Variants in SIL1 observed in about 807,000 individuals in gnomAD.
SIL1 encodes SIL1 nucleotide exchange factor, also known as nucleotide exchange factor SIL1.
SIL1 carries 40 observed loss-of-function variants against 49.1 expected under a neutral mutation model. That is an observed-to-expected ratio of 0.81 (90% confidence interval 0.63 to 1.06). SIL1 has a LOEUF of 1.06. Among genes scored for constraint, SIL1 ranks in the 50% least tolerant of loss-of-function variants. SIL1 has a pLI of 0.00. For synonymous variants in SIL1, 253 were observed against 250.8 expected, an observed-to-expected ratio of 1.01 and a Z score of -0.08; for missense variants, 500 against 572.6, an observed-to-expected ratio of 0.87 and a Z score of 1.29.
chr5:139,122,681 G>C (rs148627696), intron 2 of SIL1, among the ~76,000 whole-genome samples: 1 of 152,168 alleles, frequency 6.6e-6, no homozygotes, highest in Non-Finnish European at 1.5e-5. Flanking sequence ...TCGAGGAAAA[G>C]TTAAAATGTT....
chr5:139,119,082 G>C (rs1198161589), intron 3 of SIL1, among the ~76,000 whole-genome samples: 1 of 152,220 alleles, frequency 6.6e-6, no homozygotes, highest in Non-Finnish European at 1.5e-5. Context: ...ATTTTGTGCA[G>C]AAGAGTTTAC....
chr5:138,965,936 T>C (rs898130129), intron 7 of SIL1, among the ~76,000 whole-genome samples: 7 of 152,010 alleles, frequency 4.6e-5, no homozygotes, highest in African/African-American at 1.7e-4. Flanking sequence ...GTTCTGTTTA[T>C]GCCTCTTGTC....
chr5:139,071,509 TA>T (rs1769833862), intron 3 of SIL1, among the ~76,000 whole-genome samples: 1 of 152,190 alleles, frequency 6.6e-6, no homozygotes, highest in Non-Finnish European at 1.5e-5. Context: ...TATAATTTTC[TA>T]TATCTGTGTT....
chr5:139,049,802 A>AT (rs1401704730), intron 4 of SIL1, among the ~76,000 whole-genome samples: 1 of 152,062 alleles, frequency 6.6e-6, no homozygotes, highest in Non-Finnish European at 1.5e-5. Flanking sequence ...CTAAAAAAAA[A>AT]AAAAAAAAAA....
intron 1 of SIL1, among the ~76,000 whole-genome samples, chr5:139,150,662 A>G (rs1751278314): frequency 6.6e-6 from 1 of 152,116 alleles, no homozygotes; most frequent in South Asian, 2.1e-4. Flanking sequence ...AGTCTCCTGA[A>G]CCCCTCCTAA....
At chr5:139,155,724 T>G (rs576289607) in intron 1 of SIL1, among the ~76,000 whole-genome samples, 1 of 150,894 alleles carries the variant, frequency 6.6e-6, no homozygotes, top group East Asian at 1.9e-4. Context: ...AACAGAAGAC[T>G]GGGTAAGAGG....
At chr5:139,168,030 T>A (rs1349679398) in intron 1 of SIL1, among the ~76,000 whole-genome samples, 1 of 152,198 alleles carries the variant, frequency 6.6e-6, no homozygotes, top group Non-Finnish European at 1.5e-5. Context: ...CTTTTCTATG[T>A]TTAGAAATGT....
At chr5:139,108,438 C>T (rs1190037891) in intron 3 of SIL1, among the ~76,000 whole-genome samples, 3 of 152,160 alleles carry the variant, frequency 2.0e-5, no homozygotes, top group African/African-American at 7.2e-5. Flanking sequence ...TGATGGGCAA[C>T]ACAAACGGAC....
chr5:139,082,783 A>G (rs1770113991), intron 3 of SIL1, among the ~76,000 whole-genome samples: 1 of 152,236 alleles, frequency 6.6e-6, no homozygotes. Context: ...GATCAGTAGG[A>G]ACACACGTGA....
chr5:138,975,457 G>C (rs879669505), intron 7 of SIL1, among the ~76,000 whole-genome samples: 1 of 152,166 alleles, frequency 6.6e-6, no homozygotes, highest in Non-Finnish European at 1.5e-5. Flanking sequence ...TCAGACAAGG[G>C]TCCATGAGGT....
chr5:139,056,077 T>G (rs1769412835), intron 3 of SIL1, among the ~76,000 whole-genome samples: 1 of 151,792 alleles, frequency 6.6e-6, no homozygotes, highest in African/African-American at 2.4e-5. Context: ...GATTGCAGCC[T>G]CTGCCCGGCC....
intron 1 of SIL1, among the ~76,000 whole-genome samples, chr5:139,178,138 T>G (rs1751920067): frequency 6.6e-6 from 1 of 152,216 alleles, no homozygotes; most frequent in Non-Finnish European, 1.5e-5. Flanking sequence ...TGGGCCACCA[T>G]GTCTGCTGAG....
At chr5:138,965,902 G>GC (rs1384395239) in intron 7 of SIL1, among the ~76,000 whole-genome samples, 2 of 151,936 alleles carry the variant, frequency 1.3e-5, no homozygotes, top group Admixed American at 1.3e-4. Flanking sequence ...TTAACACAAA[G>GC]CCTTATACAG....
At chr5:139,001,568 A>AG (rs991835264) in intron 7 of SIL1, among the ~76,000 whole-genome samples, 1 of 152,194 alleles carries the variant, frequency 6.6e-6, no homozygotes, top group African/African-American at 2.4e-5. Flanking sequence ...TGTATGTGGT[A>AG]GGGGGGATAC....
chr5:138,977,037 T>C (rs1306532366), intron 7 of SIL1, among the ~76,000 whole-genome samples: 1 of 152,140 alleles, frequency 6.6e-6, no homozygotes, highest in African/African-American at 2.4e-5. Context: ...TGCTTGACCC[T>C]CCAGATTGTC....
intron 7 of SIL1, among the ~76,000 whole-genome samples, chr5:139,001,689 G>A (rs907124759): frequency 1.3e-5 from 2 of 152,214 alleles, no homozygotes; most frequent in East Asian, 3.9e-4. Flanking sequence ...GGTGGAGCAA[G>A]AGGTCAGGAG....
rs187081533 is a variant in SIL1 at position 139,158,931 on chromosome 5, G to A, written c.-10-31078C>T. 3.0e-4 allele frequency among the ~76,000 whole-genome samples: 46 copies of A among 152,246 alleles called. 1 individual carries two copies. The highest frequency in any genetic ancestry group is 7.4e-5 in the Non-Finnish European group (5 of 68,006). The stretch of plus-strand genomic sequence containing the variant: ...TAACTGAAAGGTCAACTGGTTCCAT[G>A]GGAACTGCAGGGAGACTCTCTGACA... On this transcript the variant is annotated intron_variant, in intron 1 of 9. Transcript: ENST00000394817.
intron 7 of SIL1, among the ~76,000 whole-genome samples, chr5:139,020,745 T>G (rs1314148020): frequency 2.6e-5 from 4 of 152,192 alleles, no homozygotes; most frequent in African/African-American, 9.6e-5. Context: ...GGCATGTACA[T>G]TGGTTCCAGA....
At chr5:139,157,929 T>C (rs1751435523) in intron 1 of SIL1, among the ~76,000 whole-genome samples, 1 of 152,240 alleles carries the variant, frequency 6.6e-6, no homozygotes, top group Non-Finnish European at 1.5e-5. Context: ...CTCAACCCCA[T>C]GTCTTCCTTC....
Sources: gnomAD v4.1 joint callset for allele counts (sites outside exome capture counted in the v4.1 genomes callset) on GRCh38, gnomAD v4.1.1 for gene constraint, MANE v1.5 for transcripts, NCBI Gene and HGNC (gene_info 2026-07-23, HGNC 2026-07-21) for gene names.